SH3PXD2B: variants seen among roughly 807,000 people sequenced by gnomAD.
SH3PXD2B encodes the protein SH3 and PX domain-containing protein 2B.
In SH3PXD2B, 37 loss-of-function variants were observed where a neutral mutation model predicts 73.1. The observed-to-expected ratio is 0.51, with a 90% CI of 0.39 to 0.67. The LOEUF is 0.67. Ranked by LOEUF, SH3PXD2B falls within the 30% of genes least tolerant of loss-of-function variation. The pLI is 0.00. For synonymous variants in SH3PXD2B, 457 were observed against 480.5 expected (o/e 0.95, Z 0.64); for missense variants, 1,053 against 1,197.8 (o/e 0.88, Z 1.78).
chr5:172,441,231 A>G (rs1759544136), intron 1 of SH3PXD2B, among the ~76,000 whole-genome samples: 1 of 152,186 alleles, frequency 6.6e-6, no homozygotes, highest in African/African-American at 2.4e-5. Context: ...CGAAGAAGAT[A>G]CCGAGGTTCT....
chr5:172,335,577 G>A lies in SH3PXD2B; in HGVS notation c.*2792C>T, dbSNP rs1756668903. 7 of 1,231,720 alleles carry A rather than the reference G, an allele frequency of 5.7e-6. No individual in the cohort carries two copies. The highest frequency in any genetic ancestry group is 8.2e-5 in the South Asian group (2 of 24,320). The allele number at this position is 1,231,720 out of a possible 1,614,324, so 76.3% of individuals were successfully genotyped here. On this transcript the variant is annotated 3_prime_UTR_variant, in exon 13 of 13. Coordinates refer to ENST00000311601, the MANE Select transcript of SH3PXD2B (RefSeq NM_001017995.3). ...GGCTTGCCGTAAGGATTAAAGGAGC[G>A]TGTGTGTTTAGGCACTGGTCACCAG...
Position 172,394,639 on chromosome 5 carries a change from C to A in SH3PXD2B, c.233G>T (p.Gly78Val), listed in dbSNP as rs1260518038. Residue 78 changes from glycine (G) to valine (V), a missense_variant and splice_region_variant, in exon 4 of 13, where the codon GGT (glycine) becomes GTT (valine). Gly to Val is a moderately radical substitution (Grantham distance 109). Transcript: ENST00000311601. ...PKQRIIPFLP[G>V]KILFRRSHIR... ...GTGGCTTCGTCTGAAGAGAATCTTACCTGCAGAAGATGAGAGCAAAGACAG... is the reference window on the plus strand; with the variant it reads ...GTGGCTTCGTCTGAAGAGAATCTTAACTGCAGAAGATGAGAGCAAAGACAG... The A allele has an allele frequency of 6.2e-7, 1 of 1,613,952 alleles. No homozygotes were observed. The highest frequency in any genetic ancestry group is 1.7e-5 in the Admixed American group (1 of 60,014).
intron 1 of SH3PXD2B, among the ~76,000 whole-genome samples, chr5:172,452,128 T>G (rs1300085283): frequency 6.6e-6 from 1 of 152,122 alleles, no homozygotes; most frequent in Non-Finnish European, 1.5e-5. Context: ...CAGCCTGTCA[T>G]GCGGCTGCTA....
intron 1 of SH3PXD2B, among the ~76,000 whole-genome samples, chr5:172,429,534 T>C (rs748609476): frequency 2.6e-5 from 4 of 152,288 alleles, no homozygotes; most frequent in Non-Finnish European, 2.9e-5. Context: ...TCCAACCTGA[T>C]TGCAAACCCA....
chr5:172,381,509 G>A (rs1422050465), intron 5 of SH3PXD2B, among the ~76,000 whole-genome samples: 3 of 152,132 alleles, frequency 2.0e-5, no homozygotes, highest in African/African-American at 2.4e-5. Flanking sequence ...AGCGACAGGC[G>A]TCTGGGCAAG....
At chr5:172,431,287 A>G (rs1759233473) in intron 1 of SH3PXD2B, among the ~76,000 whole-genome samples, 1 of 152,252 alleles carries the variant, frequency 6.6e-6, no homozygotes, top group South Asian at 2.1e-4. Flanking sequence ...ATCAGCCCTG[A>G]GCATGCCAGC....
At chr5:172,414,649 C>G (rs565251305) in intron 2 of SH3PXD2B, among the ~76,000 whole-genome samples, 14 of 152,126 alleles carry the variant, frequency 9.2e-5, no homozygotes, top group Non-Finnish European at 1.3e-4. Context: ...CTGAGCCTAG[C>G]AGCAACGCTC....
chr5:172,329,081 A>ATTTTTTTTTT (rs67185423), downstream of SH3PXD2B, among the ~76,000 whole-genome samples: 4 of 68,216 alleles, frequency 5.9e-5, no homozygotes, highest in African/African-American at 2.5e-4. Flanking sequence ...ATATATATAT[A>ATTTTTTTTTT]TATTTTTTTT....
At chr5:172,444,898 G>C (rs569241182) in intron 1 of SH3PXD2B, among the ~76,000 whole-genome samples, 1 of 152,302 alleles carries the variant, frequency 6.6e-6, no homozygotes, top group South Asian at 2.1e-4. Flanking sequence ...GGGGGACCAT[G>C]CCTTCTCTCC....
chr5:172,325,841 G>T (rs533416759), intron 12 of SH3PXD2B, among the ~76,000 whole-genome samples: 2 of 152,336 alleles, frequency 1.3e-5, no homozygotes, highest in East Asian at 3.9e-4. Context: ...GAGTGCAAGT[G>T]CAATGACACG....
At chr5:172,329,083 A>ATATATTTTTTTTTTTTTT (rs58472514), downstream of SH3PXD2B, among the ~76,000 whole-genome samples, 5 of 61,808 alleles carry the variant, frequency 8.1e-5, no homozygotes, top group African/African-American at 3.9e-4. Context: ...ATATATATAT[A>ATATATTTTTTTTTTTTTT]TTTTTTTTTT....
intron 3 of SH3PXD2B, among the ~76,000 whole-genome samples, chr5:172,394,850 G>A (rs868057399): frequency 2.0e-5 from 3 of 152,116 alleles, no homozygotes; most frequent in Non-Finnish European, 4.4e-5. Flanking sequence ...TTAACACAAG[G>A]GCTTGGGGGA....
chr5:172,449,278 AT>A (rs1759742233), intron 1 of SH3PXD2B, among the ~76,000 whole-genome samples: 1 of 152,238 alleles, frequency 6.6e-6, no homozygotes, highest in South Asian at 2.1e-4. Flanking sequence ...AGTATCTCAT[AT>A]AAGGGGAAAC....
At chr5:172,399,036 A>G (rs1277225175) in intron 3 of SH3PXD2B, among the ~76,000 whole-genome samples, 1 of 152,250 alleles carries the variant, frequency 6.6e-6, no homozygotes, top group South Asian at 2.1e-4. Flanking sequence ...TTAATTGGAC[A>G]GGCTCAGTGT....
chr5:172,373,771 A>G lies in SH3PXD2B; in HGVS notation c.427+19T>C, dbSNP rs1461587521. On this transcript the variant is annotated intron_variant, in intron 6 of 12. Coordinates refer to ENST00000311601, the MANE Select transcript of SH3PXD2B (RefSeq NM_001017995.3). Reference sequence around the variant, plus strand: ...TGCCGAAAACTGAACGAAGAGAAGAAAATAGAAAATATTCTTACCAGATTT... The same window carrying G: ...TGCCGAAAACTGAACGAAGAGAAGAGAATAGAAAATATTCTTACCAGATTT... 6.2e-7 allele frequency: 1 copy of G among 1,612,534 alleles called. No homozygotes were observed. Among genetic ancestry groups the G allele is most frequent in the Admixed American group, 1.7e-5 (1 of 59,950 alleles).
chr5:172,391,731 A>G (rs1181519254), intron 4 of SH3PXD2B, among the ~76,000 whole-genome samples: 1 of 152,258 alleles, frequency 6.6e-6, no homozygotes, highest in African/African-American at 2.4e-5. Flanking sequence ...TTGGCACTCC[A>G]AAGTGCTGGA....
chr5:172,368,377 G>T (rs1757572515), intron 6 of SH3PXD2B, among the ~76,000 whole-genome samples: 1 of 145,002 alleles, frequency 6.9e-6, no homozygotes, highest in Non-Finnish European at 1.5e-5. Flanking sequence ...ACAGTCTCTT[G>T]TTCACTGCTA....
intron 1 of SH3PXD2B, among the ~76,000 whole-genome samples, chr5:172,429,450 A>G (rs947494243): frequency 4.6e-5 from 7 of 152,174 alleles, no homozygotes; most frequent in Non-Finnish European, 5.9e-5. Context: ...TTGAGCCGGA[A>G]TCATCTACCC....
rs1431502428 is a variant in SH3PXD2B, at chr5:172,373,889, C to T, written c.402-74G>A. On this transcript the variant is annotated intron_variant, in intron 5 of 12. Coordinates refer to ENST00000311601, the MANE Select transcript of SH3PXD2B (RefSeq NM_001017995.3). ...CATGTATTGACGTGAGTTATTCTGC[C>T]GGGAAACTGAGATTCTCCACCCCCC... 1.5e-5 allele frequency: 24 copies of T among 1,548,886 alleles called. No individual in the cohort carries two copies. In the Admixed American group the frequency reaches 2.7e-4, roughly 17 times the overall value.
Sources: gnomAD v4.1 joint callset for allele counts (sites outside exome capture counted in the v4.1 genomes callset) on GRCh38, gnomAD v4.1.1 for gene constraint, MANE v1.5 for transcripts, NCBI Gene and HGNC (gene_info 2026-07-23, HGNC 2026-07-21) for gene names.